OFD1: variants seen among roughly 807,000 people sequenced by gnomAD.
The protein encoded by OFD1 is centriole and centriolar satellite protein OFD1.
OFD1 carries 12 observed loss-of-function variants against 81.4 expected under a neutral mutation model. The observed-to-expected ratio is 0.15, with a 90% CI of 0.09 to 0.24. The LOEUF is 0.24. Among genes scored for constraint, OFD1 ranks in the 10% least tolerant of loss-of-function variants. The pLI is 1.00. For missense variants in OFD1, 685 were observed against 733.9 expected, an observed-to-expected ratio of 0.93 and a Z score of 0.77; for synonymous variants, 256 against 263.7, an observed-to-expected ratio of 0.97 and a Z score of 0.28.
intron 5 of OFD1, chrX:13,739,342 G>C (rs781771508): frequency 3.8e-6 from 1 of 264,198 alleles, no homozygotes. Flanking sequence ...AAGTGTCTTT[G>C]TATACTAGGT....
At chrX:13,769,360 T>C (rs996783530), downstream of OFD1, 3 of 354,913 alleles carry the variant, frequency 8.5e-6, no homozygotes. Context: ...TTAACCTCCT[T>C]ATTTTTGTCT....
At chrX:13,756,429 G>A (rs916943110) in intron 12 of OFD1, 149 bp from the exon 13 acceptor site, 27 of 446,918 alleles carry the variant, frequency 6.0e-5, no homozygotes, top group Admixed American at 3.5e-4. Flanking sequence ...TTTCGTTATT[G>A]TAGTTAGAGT....
At chrX:13,773,044 G>GT (rs2048328850), downstream of OFD1, 1 of 1,202,746 alleles carries the variant, frequency 8.3e-7, no homozygotes, top group African/African-American at 1.8e-5. Context: ...GAAGAGAAGG[G>GT]TGAGCATGAT....
At chrX:13,721,537 G>A in the OFD1 span, 1 of 112,102 alleles carries the variant, frequency 8.9e-6, no homozygotes, top group Non-Finnish European at 1.9e-5. Flanking sequence ...ACATACATCT[G>A]AGGTGTGTTA....
At chrX:13,755,701 T>G (rs753190236) in intron 12 of OFD1, among the ~76,000 whole-genome samples, 1 of 112,289 alleles carries the variant, frequency 8.9e-6, no homozygotes, top group African/African-American at 3.2e-5. Flanking sequence ...TCTTACAGAT[T>G]AAAACAAAAT....
At position 13,769,142 on chromosome X, in the gene OFD1, C is replaced by T. The variant is rs377723831; in HGVS notation, c.*34C>T. On this transcript the variant is annotated 3_prime_UTR_variant, in exon 23 of 23. Coordinates refer to ENST00000340096, the MANE Select transcript of OFD1 (RefSeq NM_003611.3). ...GCTGCCCAGCTTCTAACTTACATAC[C>T]GTGAGAAGTTACGTAACATTTACTC... The T allele has an allele frequency of 2.4e-5, 26 of 1,081,470 alleles. No individual in the cohort carries two copies. Among genetic ancestry groups the T allele is most frequent in the South Asian group, 9.3e-5 (5 of 53,566 alleles). 89.1% of individuals were successfully genotyped at this position (1,081,470 alleles called of 1,213,427 possible).
In OFD1 at chrX:13,757,767, C is replaced by G; in HGVS notation, c.1519C>G (p.Leu507Val). ...HEEFESCRQA[L>V]HKQLQDEIEH... ...GGAGTTCGAAAGCTGCAGGCAAGCTCTGCACAAACAACTGCAAGACGAAGT... is the reference window on the plus strand; with the variant it reads ...GGAGTTCGAAAGCTGCAGGCAAGCTGTGCACAAACAACTGCAAGACGAAGT... The change falls in exon 14 of 23, where the codon CTG (leucine) becomes GTG (valine). Residue 507 changes from leucine to valine, a missense_variant. Physicochemically the swap from Leu to Val is conservative, Grantham distance 32 (BLOSUM62 1). This residue lies in a region of OFD1 where 414 missense variants were observed against 447.2 expected (regional missense o/e 0.93). Coordinates refer to ENST00000340096, the MANE Select transcript of OFD1 (RefSeq NM_003611.3). 8.3e-7 allele frequency: 1 copy of G among 1,211,384 alleles called. No individual in the cohort carries two copies. The highest frequency in any genetic ancestry group is 1.1e-6 in the Non-Finnish European group (1 of 895,291).
the OFD1 span, chrX:13,716,067 A>G: frequency 3.0e-5 from 36 of 1,190,993 alleles, no homozygotes; most frequent in Non-Finnish European, 4.1e-5. Context: ...GTCTTATGTC[A>G]TGAAGCATAA....
chrX:13,718,914 G>C, the OFD1 span, among the ~76,000 whole-genome samples: 2 of 111,142 alleles, frequency 1.8e-5, no homozygotes, highest in Non-Finnish European at 3.8e-5. Flanking sequence ...CCAGCACTTT[G>C]GGAGGCCGAG....
intron 5 of OFD1, among the ~76,000 whole-genome samples, chrX:13,742,038 C>G (rs1025026286): frequency 2.7e-5 from 3 of 111,721 alleles, no homozygotes. Flanking sequence ...ATGATGTGCA[C>G]AAAATTTGGA....
chrX:13,767,889 T>A (rs1039396345), intron 20 of OFD1, 165 bp from the exon 21 acceptor site: 12 of 468,263 alleles, frequency 2.6e-5, no homozygotes, highest in Non-Finnish European at 4.0e-5. Flanking sequence ...TGAGATGACA[T>A]ATTTGTCTTC....
downstream of OFD1, chrX:13,773,249 A>C (rs1376581098): frequency 7.1e-6 from 2 of 283,421 alleles, no homozygotes; most frequent in African/African-American, 5.5e-5. Context: ...AACATAGTGA[A>C]CTGGAAAAAA....
chrX:13,724,437 G>T, the OFD1 span, among the ~76,000 whole-genome samples: 2 of 106,760 alleles, frequency 1.9e-5, no homozygotes, highest in Non-Finnish European at 3.9e-5. Context: ...TTTAGGCTAC[G>T]ATCAGGAAAA....
rs1427426943 is a variant in OFD1 at position 13,758,334 on chromosome X, C to T, written c.1543-3C>T. ...TTTCTTTTCCTATTCTGAATCTTTT[C>T]AGATTGAGCATTCTGCACAGCTGAA... is the stretch of plus-strand genomic sequence containing the variant. On this transcript the variant is annotated splice_region_variant and splice_polypyrimidine_tract_variant and intron_variant, in intron 14 of 22. Transcript: ENST00000340096. 1 of 1,144,330 alleles carries T rather than the reference C, an allele frequency of 8.7e-7. No homozygotes were observed. The highest frequency in any genetic ancestry group is 1.8e-5 in the African/African-American group (1 of 55,849). 94.3% of individuals were successfully genotyped at this position (1,144,330 alleles called of 1,213,427 possible).
intron 2 of OFD1, among the ~76,000 whole-genome samples, chrX:13,735,749 A>G (rs1410409359): frequency 1.8e-5 from 2 of 112,281 alleles, no homozygotes; most frequent in Non-Finnish European, 3.8e-5. Flanking sequence ...CTGCTTAATA[A>G]TAGTTTGGGA....
In OFD1 at chrX:13,738,989, T is replaced by C; in HGVS notation, c.382-13T>C. 1 of 1,201,894 alleles carries C rather than the reference T, an allele frequency of 8.3e-7. No individual in the cohort carries two copies. The highest frequency in any genetic ancestry group is 1.1e-6 in the Non-Finnish European group (1 of 887,056). ...GAATAGCTGAATAAAAGTGAAATAT[T>C]TTCTTTTAACAGGTTTCAGGATCTG... On this transcript the variant is annotated splice_polypyrimidine_tract_variant and intron_variant, in intron 4 of 22. Transcript: ENST00000340096.
intron 3 of OFD1, 27 bp from the exon 4 acceptor site, chrX:13,738,819 C>T (rs2046976412): frequency 3.4e-6 from 3 of 894,167 alleles, no homozygotes; most frequent in Non-Finnish European, 4.9e-6. Flanking sequence ...AAAAATATGT[C>T]TACTTAGTAA....
chrX:13,717,943 A>G, the OFD1 span, among the ~76,000 whole-genome samples: 3 of 111,877 alleles, frequency 2.7e-5, no homozygotes, highest in Non-Finnish European at 5.6e-5. Flanking sequence ...TGTATTTAGA[A>G]AAAGGGAACA....
chrX:13,771,527 A>G (rs1177057786), downstream of OFD1: 1 of 112,356 alleles, frequency 8.9e-6, no homozygotes, highest in East Asian at 2.8e-4. Flanking sequence ...ACATTTCTGC[A>G]CATGTATGTT....
Sources: allele counts gnomAD v4.1 joint callset (sites outside exome capture counted in the v4.1 genomes callset), GRCh38; gene constraint gnomAD v4.1.1; regional missense constraint gnomAD v4.1.1; transcripts MANE v1.5; gene names NCBI Gene and HGNC (gene_info 2026-07-23, HGNC 2026-07-21).